Variants in IGF2BP2 observed in about 807,000 individuals in gnomAD.
IGF2BP2 encodes the protein insulin-like growth factor 2 mRNA-binding protein 2.
In IGF2BP2, 17 loss-of-function variants were observed where a neutral mutation model predicts 75.8. That is an observed-to-expected ratio of 0.22 (90% CI 0.15 to 0.34). The LOEUF is 0.34. Ranked by LOEUF, IGF2BP2 falls within the 10% of genes least tolerant of loss-of-function variation. IGF2BP2 has a pLI of 1.00. For synonymous variants in IGF2BP2, 288 were observed against 295.6 expected, an observed-to-expected ratio of 0.97 and a Z score of 0.26; for missense variants, 516 against 772.4, an observed-to-expected ratio of 0.67 and a Z score of 3.93.
intron 7 of IGF2BP2, among the ~76,000 whole-genome samples, chr3:185,681,792 G>A (rs1034887202): frequency 1.3e-5 from 2 of 152,130 alleles, no homozygotes; most frequent in Non-Finnish European, 2.9e-5. Context: ...TTTTTGATAA[G>A]GTGCTGAGAC....
At chr3:185,804,960 T>G (rs565636508) in intron 2 of IGF2BP2, among the ~76,000 whole-genome samples, 16 of 146,736 alleles carry the variant, frequency 1.1e-4, no homozygotes, top group Non-Finnish European at 1.3e-4. Flanking sequence ...GCCACTGCAC[T>G]CCAGCCTGGG....
At chr3:185,677,108 T>G (rs1295295245) in intron 7 of IGF2BP2, among the ~76,000 whole-genome samples, 225 of 98,994 alleles carry the variant, frequency 2.3e-3, no homozygotes, top group African/African-American at 9.1e-3. Flanking sequence ...GAGAGAGAGA[T>G]GTATATATAT....
chr3:185,728,058 T>C (rs1560369275), intron 2 of IGF2BP2, among the ~76,000 whole-genome samples: 2 of 152,216 alleles, frequency 1.3e-5, no homozygotes, highest in Admixed American at 1.3e-4. Flanking sequence ...GGAGAATGCA[T>C]AGGGAGGGGC....
intron 2 of IGF2BP2, among the ~76,000 whole-genome samples, chr3:185,745,733 C>T (rs1485748227): frequency 6.6e-6 from 1 of 152,218 alleles, no homozygotes; most frequent in Non-Finnish European, 1.5e-5. Flanking sequence ...TGAGCGCCTG[C>T]AGTAGCTGGC....
intron 4 of IGF2BP2, among the ~76,000 whole-genome samples, chr3:185,695,519 TTC>T (rs1722467792): frequency 6.6e-6 from 1 of 152,224 alleles, no homozygotes; most frequent in Non-Finnish European, 1.5e-5. Flanking sequence ...TGAATTTACA[TTC>T]TGTTTTCTAG....
intron 7 of IGF2BP2, among the ~76,000 whole-genome samples, chr3:185,677,044 G>GATAGATATATATATATAT (rs1553855687): frequency 4.2e-5 from 1 of 23,860 alleles, no homozygotes; most frequent in Non-Finnish European, 6.5e-5. Flanking sequence ...TATATATGGA[G>GATAGATATATATATATAT]ATATATATAT....
At chr3:185,659,315 T>C (rs146505131) in intron 10 of IGF2BP2, among the ~76,000 whole-genome samples, 4 of 152,004 alleles carry the variant, frequency 2.6e-5, no homozygotes, top group East Asian at 1.9e-4. Flanking sequence ...AGGGCAGATA[T>C]GGACAGAAAA....
At chr3:185,722,589 G>A (rs1449860437) in intron 2 of IGF2BP2, 3 of 235,702 alleles carry the variant, frequency 1.3e-5, no homozygotes, top group South Asian at 4.6e-5. Flanking sequence ...AAAATGAGAG[G>A]CTTGTAGGAT....
Position 185,824,913 on chromosome 3 carries a change from G to C in IGF2BP2, c.48C>G (p.Ala16=). Residue 16 remains alanine, a synonymous_variant, in exon 1 of 16, where the codon GCC becomes GCG. Coordinates refer to ENST00000382199, the MANE Select transcript of IGF2BP2 (RefSeq NM_006548.6). ...YIGNLSPAVT[A]DDLRQLFGDR... is the part of the protein sequence containing the mutation. ...CCCCAAAGAGCTGCCGGAGGTCGTC[G>C]GCGGTGACGGCGGGGCTCAGGTTCC... is the stretch of plus-strand genomic sequence containing the variant. 6.4e-7 allele frequency: 1 copy of C among 1,567,596 alleles called. No individual in the cohort carries two copies. The highest frequency in any genetic ancestry group is 1.2e-5 in the South Asian group (1 of 85,624).
In IGF2BP2 at chr3:185,783,324, A is replaced by AG. The variant is rs565323495; in HGVS notation, c.239+39828dup. 7.4e-3 allele frequency among the ~76,000 whole-genome samples: 1,122 copies of AG among 152,314 alleles called. 11 individuals carry two copies. The highest frequency in any genetic ancestry group is 0.026 in the African/African-American group (1,076 of 41,562). On this transcript the variant is annotated intron_variant, in intron 2 of 15. Transcript: ENST00000382199. ...AAGGCCTAACTGCACAATGGCCCTC[A>AG]GGTGGGAGAGTGGGCTAGGCCCTCC...
At chr3:185,709,125 G>A (rs1472659512) in intron 2 of IGF2BP2, among the ~76,000 whole-genome samples, 1 of 152,070 alleles carries the variant, frequency 6.6e-6, no homozygotes, top group African/African-American at 2.4e-5. Context: ...GTACAAACAT[G>A]ATACAACACA....
intron 6 of IGF2BP2, 155 bp downstream of exon 6, chr3:185,689,200 T>C (rs932646252): frequency 1.5e-5 from 11 of 720,142 alleles, no homozygotes; most frequent in Non-Finnish European, 2.2e-5. Flanking sequence ...AGCTTGATGT[T>C]AGTCTGTTAG....
intron 15 of IGF2BP2, chr3:185,646,796 T>C (rs1015945090): frequency 5.4e-6 from 3 of 557,064 alleles, no homozygotes; most frequent in Non-Finnish European, 6.4e-6. Context: ...CTCTTCACTC[T>C]TCCCCAAGCT....
chr3:185,786,021 A>T (rs1257064170), intron 2 of IGF2BP2, among the ~76,000 whole-genome samples: 1 of 152,206 alleles, frequency 6.6e-6, no homozygotes, highest in East Asian at 1.9e-4. Flanking sequence ...TCCAGAATTC[A>T]GTTTTAAGCA....
At chr3:185,650,889 T>C (rs1460276506) in intron 13 of IGF2BP2, among the ~76,000 whole-genome samples, 1 of 152,192 alleles carries the variant, frequency 6.6e-6, no homozygotes, top group African/African-American at 2.4e-5. Flanking sequence ...GGACATTTCA[T>C]ATGAACGAAA....
intron 2 of IGF2BP2, among the ~76,000 whole-genome samples, chr3:185,709,129 C>G (rs1161848144): frequency 6.6e-6 from 1 of 152,104 alleles, no homozygotes; most frequent in African/African-American, 2.4e-5. Context: ...AAACATGATA[C>G]AACACAAGTT....
At chr3:185,690,302 T>G (rs180735967) in intron 5 of IGF2BP2, among the ~76,000 whole-genome samples, 1 of 152,238 alleles carries the variant, frequency 6.6e-6, no homozygotes. Context: ...TTCAGAAATA[T>G]GTAAGTGCAA....
intron 13 of IGF2BP2, among the ~76,000 whole-genome samples, chr3:185,650,309 T>A (rs969563372): frequency 2.0e-5 from 3 of 151,840 alleles, no homozygotes; most frequent in African/African-American, 7.3e-5. Context: ...AACCACAGCT[T>A]ACAATGTTCT....
chr3:185,646,151 C>A (rs1267233404), intron 15 of IGF2BP2, among the ~76,000 whole-genome samples: 1 of 152,218 alleles, frequency 6.6e-6, no homozygotes, highest in Non-Finnish European at 1.5e-5. Flanking sequence ...TAGGAACAGG[C>A]TGTTCAGACA....
Sources: allele counts gnomAD v4.1 joint callset (sites outside exome capture counted in the v4.1 genomes callset), GRCh38; gene constraint gnomAD v4.1.1; transcripts MANE v1.5; gene names NCBI Gene and HGNC (gene_info 2026-07-23, HGNC 2026-07-21).